Variants in NPIPB2 observed in about 807,000 individuals in gnomAD.
NPIPB2 encodes the protein nuclear pore complex interacting protein family member B2, also known as nuclear pore complex-interacting protein family member B2.
NPIPB2 carries 27 observed loss-of-function variants against 30.8 expected under a neutral mutation model. The ratio of observed to expected loss-of-function variants is 0.88; its 90% CI spans 0.65 to 1.21. NPIPB2 has a LOEUF of 1.21. Among genes scored for constraint, NPIPB2 ranks in the 50% most tolerant of loss-of-function variants. The probability of loss-of-function intolerance (pLI) is 0.00; values close to 1 mark genes in which losing one functional copy is unlikely to be tolerated. For missense variants in NPIPB2, 440 were observed against 446.2 expected (o/e 0.99, Z 0.13); for synonymous variants, 147 against 162.0 (o/e 0.91, Z 0.70).
chr16:11,951,834 T>C (rs375211031), intron 1 of NPIPB2, among the ~76,000 whole-genome samples: 2 of 151,270 alleles, frequency 1.3e-5, no homozygotes, highest in Non-Finnish European at 2.9e-5. Context: ...AAGACCATCC[T>C]GGCTAACAGG....
chr16:11,940,784 A>AT (rs2054928179), intron 1 of NPIPB2, among the ~76,000 whole-genome samples: 1 of 131,536 alleles, frequency 7.6e-6, no homozygotes, highest in Non-Finnish European at 1.6e-5. Context: ...AAAAAAAAAA[A>AT]GTCATCAAAC....
At chr16:11,936,094 C>T (rs528639456) in intron 2 of NPIPB2, among the ~76,000 whole-genome samples, 4 of 148,222 alleles carry the variant, frequency 2.7e-5, no homozygotes, top group African/African-American at 7.5e-5. Context: ...CATTTGAGGT[C>T]GGGTTTTGAG....
chr16:11,949,250 T>C (rs1045650396), intron 1 of NPIPB2, among the ~76,000 whole-genome samples: 1 of 152,194 alleles, frequency 6.6e-6, no homozygotes, highest in Non-Finnish European at 1.5e-5. Flanking sequence ...GCCTTTTCTA[T>C]TTTATTACTG....
intron 1 of NPIPB2, among the ~76,000 whole-genome samples, chr16:11,970,583 T>TA (rs143295338): frequency 1.1e-4 from 16 of 152,182 alleles, no homozygotes; most frequent in Non-Finnish European, 1.3e-4. Flanking sequence ...TTGCCCAGGT[T>TA]AGAGTGCAGT....
intron 2 of NPIPB2, among the ~76,000 whole-genome samples, chr16:11,934,379 C>T (rs1489198566): frequency 8.9e-5 from 13 of 145,820 alleles, no homozygotes; most frequent in East Asian, 8.0e-4. Flanking sequence ...CATGGAGAAA[C>T]GCTGTCTCTG....
intron 1 of NPIPB2, chr16:11,968,569 G>T (rs1941118861): frequency 6.6e-6 from 1 of 152,162 alleles, no homozygotes; most frequent in South Asian, 2.1e-4. Flanking sequence ...CTTAAAAATT[G>T]TATACCACTT....
intron 1 of NPIPB2, chr16:11,955,998 C>T (rs1207193361): frequency 6.6e-6 from 1 of 152,112 alleles, no homozygotes; most frequent in Non-Finnish European, 1.5e-5. Flanking sequence ...TGTTTTGCCT[C>T]AGCCACACGT....
chr16:11,943,657 G>A (rs7200353), upstream of NPIPB2, among the ~76,000 whole-genome samples: 73,534 of 150,376 alleles, frequency 0.49, 19,751 homozygotes, highest in Non-Finnish European at 0.61. Context: ...AGCTGAGATC[G>A]CGCCATTGTA....
chr16:11,936,200 A>G (rs1335550163), intron 2 of NPIPB2, among the ~76,000 whole-genome samples: 3 of 148,566 alleles, frequency 2.0e-5, no homozygotes, highest in Admixed American at 6.7e-5. Flanking sequence ...GCTACTTGAG[A>G]GGCTGAGGCA....
chr16:11,966,314 C>T (rs772859510), intron 1 of NPIPB2: 28 of 1,613,038 alleles, frequency 1.7e-5, no homozygotes, highest in Non-Finnish European at 2.2e-5. Flanking sequence ...AAACTCTGAA[C>T]CATTAAAGGA....
intron 1 of NPIPB2, among the ~76,000 whole-genome samples, chr16:11,964,597 T>C (rs1477420804): frequency 2.0e-5 from 3 of 152,170 alleles, no homozygotes; most frequent in Non-Finnish European, 4.4e-5. Context: ...GTATTTTTAG[T>C]AGAGACGGGG....
chr16:11,969,940 C>T (rs2055225456), intron 1 of NPIPB2, among the ~76,000 whole-genome samples: 1 of 1,052 alleles, frequency 9.5e-4, no homozygotes, highest in Non-Finnish European at 0.016. Flanking sequence ...CTCACTGCAA[C>T]CTCTACCTCA....
intron 1 of NPIPB2, among the ~76,000 whole-genome samples, chr16:11,947,316 ATT>A (rs1320269344): frequency 4.2e-4 from 30 of 72,134 alleles, no homozygotes; most frequent in Non-Finnish European, 5.5e-4. Flanking sequence ...TTATTTATTT[ATT>A]TATTTATATA....
chr16:11,938,617 C>A (rs942762396), intron 1 of NPIPB2, among the ~76,000 whole-genome samples: 4 of 151,922 alleles, frequency 2.6e-5, no homozygotes, highest in African/African-American at 9.7e-5. Context: ...AGGCATGAGC[C>A]ACTGTACCTG....
At chr16:11,948,654 C>G (rs944044596) in intron 1 of NPIPB2, among the ~76,000 whole-genome samples, 9 of 147,964 alleles carry the variant, frequency 6.1e-5, no homozygotes, top group Non-Finnish European at 1.3e-4. Flanking sequence ...GTAGTCCCAG[C>G]TACTTGGGAG....
chr16:11,965,487 G>C (rs2055186426), intron 1 of NPIPB2: 1 of 1,610,452 alleles, frequency 6.2e-7, no homozygotes, highest in Non-Finnish European at 8.5e-7. Context: ...TTATTCATTG[G>C]TGTGAACTAT....
intron 1 of NPIPB2, among the ~76,000 whole-genome samples, chr16:11,975,427 G>A (rs1017111566): frequency 7.3e-5 from 11 of 151,716 alleles, no homozygotes; most frequent in African/African-American, 1.9e-4. Flanking sequence ...GATTACAGGC[G>A]TGAGCCACCG....
chr16:11,962,508 A>G (rs561369466), intron 1 of NPIPB2, among the ~76,000 whole-genome samples: 1 of 149,276 alleles, frequency 6.7e-6, no homozygotes, highest in South Asian at 2.2e-4. Flanking sequence ...GCTACTCTGG[A>G]GGCTGAGGCA....
chr16:11,959,312 T>C (rs1477552593), intron 1 of NPIPB2, among the ~76,000 whole-genome samples: 1 of 152,160 alleles, frequency 6.6e-6, no homozygotes, highest in East Asian at 1.9e-4. Flanking sequence ...CCAGGCACAG[T>C]GGCTCACACC....
Sources: allele counts gnomAD v4.1 joint callset (sites outside exome capture counted in the v4.1 genomes callset), GRCh38; gene constraint gnomAD v4.1.1; transcripts MANE v1.5; gene names NCBI Gene and HGNC (gene_info 2026-07-23, HGNC 2026-07-21).